ABHD14B: variants seen among roughly 807,000 people sequenced by gnomAD.
ABHD14B encodes the protein abhydrolase domain containing 14B, also known as putative protein-lysine deacylase ABHD14B.
A neutral mutation model predicts 15.4 loss-of-function variants in ABHD14B; 19 were observed. The observed-to-expected ratio is 1.23, with a 90% confidence interval of 0.86 to 1.81. ABHD14B has a LOEUF of 1.81. ABHD14B is among the 40% of genes most tolerant of loss of function. ABHD14B has a pLI of 0.00. For synonymous variants in ABHD14B, 92 were observed against 117.3 expected (o/e 0.78, Z 1.39); for missense variants, 243 against 267.0 (o/e 0.91, Z 0.63).
rs778306286 is a variant in ABHD14B at position 51,971,514 on chromosome 3, T to C, written c.157A>G (p.Thr53Ala). The C allele has an allele frequency of 6.2e-7, 1 of 1,612,564 alleles. No individual in the cohort carries two copies. The highest frequency in any genetic ancestry group is 1.1e-5 in the South Asian group (1 of 90,962). The change falls in exon 2 of 4, where the codon ACA (threonine) becomes GCA (alanine). Residue 53 changes from threonine to alanine, a missense_variant. Transcript: ENST00000361143. ...FSSETWQNLG[T>A]LHRLAQAGYR... ...CCAGCCTGGGCCAGCCTGTGCAGTGTACCCAGGTTCTGCCAGGTCTCGGAG... is the reference window on the plus strand; with the variant it reads ...CCAGCCTGGGCCAGCCTGTGCAGTGCACCCAGGTTCTGCCAGGTCTCGGAG...
intron 1 of ABHD14B, chr3:51,971,943 A>G: frequency 1.3e-6 from 1 of 762,798 alleles, no homozygotes; most frequent in Non-Finnish European, 1.8e-6. Context: ...AATTTAATTA[A>G]AAGTTTAAGA....
intron 1 of ABHD14B, chr3:51,971,946 G>T: frequency 2.6e-6 from 2 of 761,748 alleles, no homozygotes; most frequent in Non-Finnish European, 3.6e-6. Flanking sequence ...TTAATTAAAA[G>T]TTTAAGAAAA....
chr3:51,971,663 G>A lies in ABHD14B; in HGVS notation c.8C>T (p.Ala3Val). 6.2e-7 allele frequency: 1 copy of A among 1,611,166 alleles called. No individual in the cohort carries two copies. Among genetic ancestry groups the A allele is most frequent in the East Asian group, 2.2e-5 (1 of 44,832 alleles). MA[A>V]SVEQREGTIQ... ...GGTGCCCTCGCGCTGCTCCACGCTT[G>A]CTGCCATGCCTGCTGCTGCTGTGCT... Residue 3 changes from alanine to valine, a missense_variant, in exon 2 of 4, where the codon GCA becomes GTA. Ala to Val is a moderately conservative substitution (Grantham distance 64). Transcript: ENST00000361143.
rs776627938 is a variant in ABHD14B at position 51,971,576 on chromosome 3, C to T, written c.95G>A (p.Arg32His). The T allele has an allele frequency of 6.8e-6, 11 of 1,613,524 alleles. No individual in the cohort carries two copies. The highest frequency in any genetic ancestry group is 9.3e-6 in the Non-Finnish European group (11 of 1,179,972). Reference protein sequence around the residue: ...REALPGSGQARFSVLLLHGIR... With the variant: ...REALPGSGQAHFSVLLLHGIR... ...ACCATGCAGCAGCAGTACAGAGAAGCGAGCCTGCCCACTGCCGGGCAGGGC... is the reference window on the plus strand; with the variant it reads ...ACCATGCAGCAGCAGTACAGAGAAGTGAGCCTGCCCACTGCCGGGCAGGGC... The change falls in exon 2 of 4, where the codon CGC becomes CAC. Residue 32 changes from arginine to histidine, a missense_variant. Transcript: ENST00000361143.
At chr3:51,971,761 G>C (rs745787475) in intron 1 of ABHD14B, 63 bp from the exon 2 acceptor site, 3 of 1,519,506 alleles carry the variant, frequency 2.0e-6, no homozygotes, top group Non-Finnish European at 2.6e-6. Context: ...GGCAGTCCCA[G>C]AGGAGCAGCA....
Position 51,969,493 on chromosome 3 carries a change from G to A in ABHD14B, c.566C>T (p.Pro189Leu). The change falls in exon 4 of 4, where the codon CCC (proline) becomes CTC (leucine). Residue 189 changes from proline to leucine, a missense_variant. Transcript: ENST00000361143. ...RVLIMKGAGHPCYLDKPEEWH... is the reference protein window; with the variant it reads ...RVLIMKGAGHLCYLDKPEEWH... ...CTCCTCTGGTTTGTCCAGGTAACAG[G>A]GGTGCCCCGCCCCCTTCATGATCAG... 1 of 1,613,950 alleles carries A rather than the reference G, an allele frequency of 6.2e-7. No individual in the cohort carries two copies. The highest frequency in any genetic ancestry group is 8.5e-7 in the Non-Finnish European group (1 of 1,179,996).
At chr3:51,973,492 C>T (rs185474252) in intron 1 of ABHD14B, among the ~76,000 whole-genome samples, 2 of 147,546 alleles carry the variant, frequency 1.4e-5, no homozygotes, top group Admixed American at 6.6e-5. Context: ...GAACTAAAAG[C>T]CCATTTTCTT....
In ABHD14B at chr3:51,969,143, C is replaced by CA. The variant is rs1457618596; in HGVS notation, c.*282dup. On this transcript the variant is annotated 3_prime_UTR_variant, in exon 4 of 4. Transcript: ENST00000361143. The stretch of plus-strand genomic sequence containing the variant: ...AGCAGGGGAAGGAGTGAAAGCCAGG[C>CA]AGGAAAGTGGAAGAACAGGAGAAGC... 2 of 292,280 alleles carry CA rather than the reference C, an allele frequency of 6.8e-6. No homozygotes were observed. The highest frequency in any genetic ancestry group is 6.4e-6 in the Non-Finnish European group (1 of 157,102). 18.1% of individuals were successfully genotyped at this position (292,280 alleles called of 1,614,324 possible). A position where few individuals can be genotyped will look rare whatever the true frequency, so the allele number is the denominator to read the frequency against.
At chr3:51,973,893 A>G in intron 1 of ABHD14B, 72 bp downstream of exon 1, 1 of 1,289,850 alleles carries the variant, frequency 7.8e-7, no homozygotes, top group Non-Finnish European at 1.0e-6. Context: ...GATCCGAGAA[A>G]GGAAGACTTG....
chr3:51,969,466 C>T lies in ABHD14B; in HGVS notation c.593G>A (p.Trp198Ter), dbSNP rs202219876. 69 of 1,613,790 alleles carry T rather than the reference C, an allele frequency of 4.3e-5. No individual in the cohort carries two copies. Among genetic ancestry groups the T allele is most frequent in the Non-Finnish European group, 2.5e-6 (3 of 1,179,922 alleles). Residue 198 changes from tryptophan to a stop codon, truncating the protein, a stop_gained, in exon 4 of 4, where the codon TGG becomes TAG. Coordinates refer to ENST00000361143, the MANE Select transcript of ABHD14B (RefSeq NM_001146314.2). LOFTEE classifies it high-confidence loss of function. ...HPCYLDKPEE[W>*]HTGLLDFLQG... ...CAGGAAGTCCAGCAGCCCTGTATGC[C>T]ACTCCTCTGGTTTGTCCAGGTAACA...
Position 51,973,959 on chromosome 3 carries a change from G to A in ABHD14B, c.-29+6C>T, listed in dbSNP as rs1200829187. ...GAAGAAAGGGTCAGGAGTGCAGGGC[G>A]GGTACCTGGGGAGCTGCGTGGACTC... On this transcript the variant is annotated splice_donor_region_variant and intron_variant, in intron 1 of 3. Transcript: ENST00000361143. 1 of 1,289,712 alleles carries A rather than the reference G, an allele frequency of 7.8e-7. No individual in the cohort carries two copies. The highest frequency in any genetic ancestry group is 1.0e-6 in the Non-Finnish European group (1 of 988,864). 79.9% of individuals were successfully genotyped at this position (1,289,712 alleles called of 1,614,324 possible). A position where few individuals can be genotyped will look rare whatever the true frequency, so the allele number is the denominator to read the frequency against.
intron 1 of ABHD14B, 61 bp from the exon 2 acceptor site, chr3:51,971,759 C>A: frequency 6.6e-7 from 1 of 1,520,030 alleles, no homozygotes; most frequent in East Asian, 2.4e-5. Flanking sequence ...GTGGCAGTCC[C>A]AGAGGAGCAG....
rs1165793759 is a variant in ABHD14B, at chr3:51,974,028, G to C, written c.-92C>G. 1.6e-6 allele frequency: 2 copies of C among 1,288,564 alleles called. No homozygotes were observed. The highest frequency in any genetic ancestry group is 2.0e-6 in the Non-Finnish European group (2 of 988,804). The allele number at this position is 1,288,564 out of a possible 1,614,324, so 79.8% of individuals were successfully genotyped here. On this transcript the variant is annotated 5_prime_UTR_variant, in exon 1 of 4. Coordinates refer to ENST00000361143, the MANE Select transcript of ABHD14B (RefSeq NM_001146314.2). ...CGCGTGCTGGCGGTGACCTGGGGCC[G>C]GAGGAGGAACGCTGGGAAGAGGCCG...
rs1324459198 is a variant in ABHD14B, at chr3:51,970,173, A to G, written c.223T>C (p.Ser75Pro). Residue 75 changes from serine to proline, a missense_variant, in exon 3 of 4, where the codon TCC (serine) becomes CCC (proline). By Grantham distance (74) the Ser-to-Pro change is moderately conservative. Coordinates refer to ENST00000361143, the MANE Select transcript of ABHD14B (RefSeq NM_001146314.2). ...GGGGCAGGGGCTGCTGCTTCCTTGG[A>G]GTGCCCCAGACCTGCAGGGATTCAG... ...VAIDLPGLGH[S>P]KEAAAPAPIG... The G allele has an allele frequency of 6.5e-7, 1 of 1,534,486 alleles. No homozygotes were observed. The highest frequency in any genetic ancestry group is 8.7e-7 in the Non-Finnish European group (1 of 1,143,494).
At chr3:51,973,796 G>C (rs993001828) in intron 1 of ABHD14B, 169 bp downstream of exon 1, 57 of 1,278,690 alleles carry the variant, frequency 4.5e-5, no homozygotes, top group Non-Finnish European at 3.0e-5. Flanking sequence ...CGGTCAGGTT[G>C]CTTCCGCGGA....
intron 2 of ABHD14B, chr3:51,971,250 G>A (rs528061568): frequency 3.5e-5 from 19 of 539,952 alleles, no homozygotes; most frequent in Admixed American, 1.8e-4. Flanking sequence ...GCAGCTGGGC[G>A]GTGAGGACCA....
chr3:51,969,776 C>G, intron 3 of ABHD14B, 167 bp downstream of exon 3: 1 of 1,433,526 alleles, frequency 7.0e-7, no homozygotes, highest in Admixed American at 1.9e-5. Flanking sequence ...CAGTTTAGCA[C>G]AGGGCTTGGC....
At chr3:51,969,651 C>T (rs777134230) in intron 3 of ABHD14B, 46 bp from the exon 4 acceptor site, 12 of 1,572,256 alleles carry the variant, frequency 7.6e-6, no homozygotes, top group Non-Finnish European at 1.0e-5. Context: ...CAGGGACCTG[C>T]CATAGCATCC....
intron 3 of ABHD14B, 116 bp downstream of exon 3, chr3:51,969,827 G>T (rs753572581): frequency 6.4e-7 from 1 of 1,565,226 alleles, no homozygotes; most frequent in Non-Finnish European, 8.8e-7. Context: ...GGAGTTGGGT[G>T]GTCAGCTCCT....
Sources: gnomAD v4.1 joint callset for allele counts (sites outside exome capture counted in the v4.1 genomes callset) on GRCh38, gnomAD v4.1.1 for gene constraint, MANE v1.5 for transcripts, NCBI Gene and HGNC (gene_info 2026-07-23, HGNC 2026-07-21) for gene names.